Variants in GTF2F2 observed in about 807,000 individuals in gnomAD.
GTF2F2 encodes the protein ATP-dependent helicase GTF2F2.
GTF2F2 carries 23 observed loss-of-function variants against 42.2 expected under a neutral mutation model. That is an observed-to-expected ratio of 0.55 (90% CI 0.39 to 0.77). GTF2F2 has a LOEUF of 0.77. Ranked by LOEUF, GTF2F2 falls within the 30% of genes least tolerant of loss-of-function variation. The pLI is 0.00. For missense variants in GTF2F2, 261 were observed against 287.2 expected (o/e 0.91, Z 0.66); for synonymous variants, 105 against 100.8 (o/e 1.04, Z -0.25).
intron 4 of GTF2F2, among the ~76,000 whole-genome samples, chr13:45,197,555 A>G (rs1008148631): frequency 4.0e-5 from 6 of 151,610 alleles, no homozygotes; most frequent in African/African-American, 1.2e-4. Context: ...CTGTATGCCT[A>G]ATACTCCATA....
At chr13:45,123,022 GT>G (rs1477663310) in intron 1 of GTF2F2, 1 of 152,232 alleles carries the variant, frequency 6.6e-6, no homozygotes, top group Non-Finnish European at 1.5e-5. Flanking sequence ...GTTGCAGTGA[GT>G]CAAGATTGTG....
intron 4 of GTF2F2, among the ~76,000 whole-genome samples, chr13:45,181,902 G>A (rs1010290718): frequency 6.6e-6 from 1 of 152,028 alleles, no homozygotes; most frequent in Non-Finnish European, 1.5e-5. Flanking sequence ...ATGGTATTGG[G>A]GAGAATGCCT....
intron 4 of GTF2F2, among the ~76,000 whole-genome samples, chr13:45,168,779 GCTTCCTTC>G (rs368098791): frequency 0.031 from 3,846 of 125,580 alleles, 132 homozygotes; most frequent in African/African-American, 0.077. Flanking sequence ...CACCTGGCTG[GCTTCCTTC>G]CTTCCTTCCT....
chr13:45,187,766 C>G (rs759498098), intron 4 of GTF2F2, among the ~76,000 whole-genome samples: 27 of 152,164 alleles, frequency 1.8e-4, no homozygotes, highest in Admixed American at 3.9e-4. Context: ...CATATTACAT[C>G]TTTGTTTTGT....
At chr13:45,133,033 G>A (rs1869444109) in intron 1 of GTF2F2, among the ~76,000 whole-genome samples, 1 of 151,970 alleles carries the variant, frequency 6.6e-6, no homozygotes, top group South Asian at 2.1e-4. Context: ...GCAGAGAAGA[G>A]GAATAACACA....
intron 7 of GTF2F2, among the ~76,000 whole-genome samples, chr13:45,273,560 A>G (rs1207176585): frequency 1.3e-5 from 2 of 152,110 alleles, no homozygotes; most frequent in Non-Finnish European, 2.9e-5. Flanking sequence ...TAATTAAGCA[A>G]TAGGCCACAA....
chr13:45,238,511 T>C (rs1288299375), intron 5 of GTF2F2, among the ~76,000 whole-genome samples: 3 of 152,176 alleles, frequency 2.0e-5, no homozygotes, highest in Non-Finnish European at 2.9e-5. Context: ...CTGTCCCTTA[T>C]GCCTCCCCTC....
chr13:45,120,644 G>T lies in GTF2F2; in HGVS notation c.-12G>T. 1 of 1,554,274 alleles carries T rather than the reference G, an allele frequency of 6.4e-7. No homozygotes were observed. Among genetic ancestry groups the T allele is most frequent in the Non-Finnish European group, 8.7e-7 (1 of 1,147,914 alleles). ...CTGCTGCATCCCGCACGCCTCCACC[G>T]GCTGCAGACCCATGGCCGAGCGCGG... On this transcript the variant is annotated 5_prime_UTR_variant, in exon 1 of 8. Coordinates refer to ENST00000340473, the MANE Select transcript of GTF2F2 (RefSeq NM_004128.3).
At chr13:45,199,641 C>A (rs1873077521) in intron 4 of GTF2F2, among the ~76,000 whole-genome samples, 1 of 152,136 alleles carries the variant, frequency 6.6e-6, no homozygotes, top group South Asian at 2.1e-4. Context: ...GTACAGAACT[C>A]ATTTTTATAG....
chr13:45,211,237 C>T (rs1258257627), intron 5 of GTF2F2, among the ~76,000 whole-genome samples: 5 of 151,798 alleles, frequency 3.3e-5, no homozygotes, highest in Non-Finnish European at 4.4e-5. Context: ...ATAAGAGACT[C>T]GAAGCAGAAA....
At chr13:45,233,020 A>G (rs758391212) in intron 5 of GTF2F2, among the ~76,000 whole-genome samples, 8 of 152,222 alleles carry the variant, frequency 5.3e-5, no homozygotes, top group Non-Finnish European at 7.3e-5. Flanking sequence ...ACTTTAAACT[A>G]CCAAGTTCGT....
At chr13:45,229,353 A>T (rs80100475) in intron 5 of GTF2F2, among the ~76,000 whole-genome samples, 4,693 of 151,850 alleles carry the variant, frequency 0.031, 209 homozygotes, top group South Asian at 0.13. Context: ...TAGCAAGGCC[A>T]TCACCTCCGG....
intron 5 of GTF2F2, among the ~76,000 whole-genome samples, chr13:45,252,462 A>G (rs1265052499): frequency 6.6e-6 from 1 of 152,072 alleles, no homozygotes; most frequent in African/African-American, 2.4e-5. Context: ...TTCTCTTTTT[A>G]TTTACCTTTA....
intron 5 of GTF2F2, among the ~76,000 whole-genome samples, chr13:45,212,032 A>C (rs750596378): frequency 3.3e-5 from 5 of 152,128 alleles, no homozygotes; most frequent in Non-Finnish European, 7.4e-5. Flanking sequence ...TACTACCTAA[A>C]GGATCTGTTT....
At chr13:45,164,280 A>G (rs1254323223) in intron 4 of GTF2F2, among the ~76,000 whole-genome samples, 2 of 151,830 alleles carry the variant, frequency 1.3e-5, no homozygotes, top group Non-Finnish European at 2.9e-5. Flanking sequence ...ACAGTCTCAA[A>G]AAAAAAAAAA....
chr13:45,186,201 C>T (rs1202691724), intron 4 of GTF2F2, among the ~76,000 whole-genome samples: 2 of 151,772 alleles, frequency 1.3e-5, no homozygotes, highest in African/African-American at 4.8e-5. Context: ...TCTTGAACTC[C>T]TGACCTCAAG....
At chr13:45,230,603 G>A (rs1874624801) in intron 5 of GTF2F2, among the ~76,000 whole-genome samples, 1 of 152,052 alleles carries the variant, frequency 6.6e-6, no homozygotes, top group Non-Finnish European at 1.5e-5. Flanking sequence ...AAAATAGTCT[G>A]GTAGTTTTAT....
chr13:45,196,360 T>C (rs1872890472), intron 4 of GTF2F2, among the ~76,000 whole-genome samples: 1 of 152,220 alleles, frequency 6.6e-6, no homozygotes, highest in Non-Finnish European at 1.5e-5. Flanking sequence ...CCTGCAGCAC[T>C]TAATAAGACT....
At chr13:45,145,474 C>T (rs1870146226) in intron 2 of GTF2F2, among the ~76,000 whole-genome samples, 3 of 152,148 alleles carry the variant, frequency 2.0e-5, no homozygotes, top group Non-Finnish European at 2.9e-5. Flanking sequence ...GCTTCCAAGG[C>T]CTTCTCAGTG....
Sources: allele counts gnomAD v4.1 joint callset (sites outside exome capture counted in the v4.1 genomes callset), GRCh38; gene constraint gnomAD v4.1.1; transcripts MANE v1.5; gene names NCBI Gene and HGNC (gene_info 2026-07-23, HGNC 2026-07-21).